KDM5A: variants seen among roughly 807,000 people sequenced by gnomAD.
KDM5A encodes lysine demethylase 5A.
A neutral mutation model predicts 193.5 loss-of-function variants in KDM5A; 42 were observed. The observed-to-expected ratio is 0.22, with a 90% CI of 0.17 to 0.28. KDM5A has a LOEUF of 0.28. Ranked by LOEUF, KDM5A falls within the 10% of genes least tolerant of loss-of-function variation. The pLI is 1.00. For missense variants in KDM5A, 1,692 were observed against 2,055.1 expected, an observed-to-expected ratio of 0.82 and a Z score of 3.42; for synonymous variants, 796 against 718.1, an observed-to-expected ratio of 1.11 and a Z score of -1.73.
chr12:287,673 C>T lies in KDM5A; in HGVS notation c.4867-2011G>A, dbSNP rs144845607. Among the ~76,000 whole-genome samples, 30 of 152,178 alleles carry T rather than the reference C, an allele frequency of 2.0e-4. No individual in the cohort carries two copies. In the East Asian group the frequency reaches 5.8e-3, roughly 29 times the overall value. On this transcript the variant is annotated intron_variant, in intron 27 of 27. Coordinates refer to ENST00000399788, the MANE Select transcript of KDM5A (RefSeq NM_001042603.3). ...AGATAAACTGTGGTTCTCTGTGCTG[C>T]CCAGGTTTGAGATACCATGCTTTTT...
At position 355,267 on chromosome 12, in the gene KDM5A, C is replaced by T. The variant is rs2137456638; in HGVS notation, c.779-18G>A. The T allele has an allele frequency of 4.8e-6, 7 of 1,456,854 alleles. No homozygotes were observed. Among genetic ancestry groups the T allele is most frequent in the Non-Finnish European group, 6.8e-6 (7 of 1,036,444 alleles). 90.2% of individuals were successfully genotyped at this position (1,456,854 alleles called of 1,614,324 possible). The stretch of plus-strand genomic sequence containing the variant: ...GACCTCATCTTGAAATAAAAAGTTA[C>T]ACAATAATAGTAAAAACCAATGTTG... On this transcript the variant is annotated intron_variant, in intron 6 of 27. Coordinates refer to ENST00000399788, the MANE Select transcript of KDM5A (RefSeq NM_001042603.3).
intron 13 of KDM5A, among the ~76,000 whole-genome samples, chr12:329,594 A>T (rs1943836690): frequency 6.6e-6 from 1 of 152,102 alleles, no homozygotes; most frequent in Non-Finnish European, 1.5e-5. Flanking sequence ...GACAATTTAG[A>T]TTTTAGCATC....
intron 10 of KDM5A, among the ~76,000 whole-genome samples, chr12:334,986 T>C (rs916744171): frequency 8.6e-5 from 13 of 150,518 alleles, no homozygotes; most frequent in Middle Eastern, 3.2e-3. Context: ...CTCCTAACCA[T>C]TATACAAACA....
chr12:379,699 T>C (rs188350149), intron 3 of KDM5A, among the ~76,000 whole-genome samples: 15 of 152,282 alleles, frequency 9.9e-5, no homozygotes, highest in East Asian at 3.9e-4. Context: ...GAGATGTCCA[T>C]GAGGACTTAA....
chr12:372,568 T>C (rs1322285226), intron 3 of KDM5A, among the ~76,000 whole-genome samples: 5 of 152,322 alleles, frequency 3.3e-5, no homozygotes, highest in East Asian at 3.9e-4. Context: ...CTTTTCCTGA[T>C]TGAATACCCT....
chr12:319,394 C>A (rs1211017120), intron 18 of KDM5A, among the ~76,000 whole-genome samples: 1 of 152,078 alleles, frequency 6.6e-6, no homozygotes, highest in Non-Finnish European at 1.5e-5. Context: ...TAATAGCAGC[C>A]AGCACTTGTT....
chr12:371,879 T>C (rs936179361), intron 3 of KDM5A, among the ~76,000 whole-genome samples: 7 of 152,234 alleles, frequency 4.6e-5, no homozygotes, highest in Admixed American at 4.6e-4. Flanking sequence ...TTCTTGTTTT[T>C]GTCAGGTTTG....
intron 10 of KDM5A, among the ~76,000 whole-genome samples, chr12:342,901 C>A: frequency 6.6e-6 from 1 of 151,960 alleles, no homozygotes; most frequent in East Asian, 1.9e-4. Context: ...AACTGAGATA[C>A]CTGGATCATT....
At chr12:288,057 C>T (rs1943242388) in intron 27 of KDM5A, among the ~76,000 whole-genome samples, 1 of 152,160 alleles carries the variant, frequency 6.6e-6, no homozygotes, top group South Asian at 2.1e-4. Flanking sequence ...ACAATTTAGC[C>T]TGATAATAGA....
chr12:384,179 C>A (rs1325778455), intron 2 of KDM5A, 26 bp from the exon 3 acceptor site: 1 of 1,541,254 alleles, frequency 6.5e-7, no homozygotes, highest in South Asian at 1.1e-5. Flanking sequence ...TACAGAAGAA[C>A]TAAGTTATGA....
intron 1 of KDM5A, chr12:388,244 G>C: frequency 2.2e-6 from 1 of 455,524 alleles, no homozygotes. Flanking sequence ...TCAAAGGTGA[G>C]ATTATAATTA....
At chr12:352,539 A>G (rs1944176845) in intron 8 of KDM5A, among the ~76,000 whole-genome samples, 1 of 152,222 alleles carries the variant, frequency 6.6e-6, no homozygotes, top group African/African-American at 2.4e-5. Context: ...ATAGGAAGGT[A>G]GTACTAAGAT....
chr12:293,116 C>T lies in KDM5A; in HGVS notation c.4509G>A (p.Glu1503=). ...PLKVKGKDSS[E]KKRKRKLEKV... ...TTTCTAGCTTCCGTTTCCGTTTCTT[C>T]TCTGAAGAGTCCTTTCCTTTCACTT... is the stretch of plus-strand genomic sequence containing the variant. Residue 1503 remains glutamate (E), a synonymous_variant, in exon 27 of 28, where the codon GAG becomes GAA. Coordinates refer to ENST00000399788, the MANE Select transcript of KDM5A (RefSeq NM_001042603.3). The T allele has an allele frequency of 6.2e-7, 1 of 1,602,656 alleles. No individual in the cohort carries two copies. Among genetic ancestry groups the T allele is most frequent in the African/African-American group, 1.4e-5 (1 of 74,022 alleles).
rs187897276 is a variant in KDM5A, at chr12:330,959, C to T, written c.1773+860G>A. Among the ~76,000 whole-genome samples, 1,417 of 152,188 alleles carry T rather than the reference C, an allele frequency of 9.3e-3. 30 individuals carry two copies. Among genetic ancestry groups the T allele is most frequent in the African/African-American group, 0.032 (1,323 of 41,520 alleles). ...TATAGTCTTCTCCCAAGCAACATAA[C>T]AGCCACTAAATACTTTTTGATTATC... On this transcript the variant is annotated intron_variant, in intron 13 of 27. Coordinates refer to ENST00000399788, the MANE Select transcript of KDM5A (RefSeq NM_001042603.3).
At chr12:371,913 G>A (rs1455303967) in intron 3 of KDM5A, among the ~76,000 whole-genome samples, 2 of 152,190 alleles carry the variant, frequency 1.3e-5, no homozygotes, top group African/African-American at 4.8e-5. Flanking sequence ...GGTTGCAGAT[G>A]TATGGTATTA....
At position 304,572 on chromosome 12, in the gene KDM5A, C is replaced by T. The variant is rs116970621; in HGVS notation, c.4074+2374G>A. On this transcript the variant is annotated intron_variant, in intron 24 of 27. Transcript: ENST00000399788. ...GAACTTGAATTACCATAAGTCTTGCCACCATTCTTCTCAGCTGTCAAATAC... is the reference window on the plus strand; with the variant it reads ...GAACTTGAATTACCATAAGTCTTGCTACCATTCTTCTCAGCTGTCAAATAC... Among the ~76,000 whole-genome samples, 1,403 of 151,716 alleles carry T rather than the reference C, an allele frequency of 9.2e-3. 20 individuals are homozygous for T. The highest frequency in any genetic ancestry group is 0.014 in the Non-Finnish European group (933 of 67,938).
chr12:320,316 C>T (rs941502651), intron 18 of KDM5A, among the ~76,000 whole-genome samples: 18 of 152,112 alleles, frequency 1.2e-4, no homozygotes, highest in African/African-American at 4.3e-4. Flanking sequence ...GCTAACATGG[C>T]GAAAACCCAC....
chr12:332,448 T>C (rs1462727400), intron 12 of KDM5A, among the ~76,000 whole-genome samples: 1 of 152,158 alleles, frequency 6.6e-6, no homozygotes, highest in East Asian at 1.9e-4. Context: ...CTGGTATAAA[T>C]TTATTATTTA....
chr12:354,775 G>A (rs1172415546), intron 7 of KDM5A, among the ~76,000 whole-genome samples: 3 of 143,390 alleles, frequency 2.1e-5, no homozygotes, highest in Non-Finnish European at 4.7e-5. Context: ...AAAAAAAAAA[G>A]GAAAGACTAC....
Sources: allele counts gnomAD v4.1 joint callset (sites outside exome capture counted in the v4.1 genomes callset), GRCh38; gene constraint gnomAD v4.1.1; transcripts MANE v1.5; gene names NCBI Gene and HGNC (gene_info 2026-07-23, HGNC 2026-07-21).